The following NAALADL2 variants were observed in gnomAD, a reference collection of about 807,000 sequenced individuals.
NAALADL2 encodes N-acetylated alpha-linked acidic dipeptidase like 2, also known as inactive N-acetylated-alpha-linked acidic dipeptidase-like protein 2.
In NAALADL2, 76 loss-of-function variants were observed where a neutral mutation model predicts 87.2. The ratio of observed to expected loss-of-function variants is 0.87; its 90% CI spans 0.72 to 1.05. NAALADL2 has a LOEUF of 1.05. NAALADL2 is among the 50% of genes least tolerant of loss of function. NAALADL2 has a pLI of 0.00. For synonymous variants in NAALADL2, 354 were observed against 331.0 expected (o/e 1.07, Z -0.75); for missense variants, 1,089 against 945.8 (o/e 1.15, Z -1.99).
intron 10 of NAALADL2, among the ~76,000 whole-genome samples, chr3:175,625,787 G>A (rs1726909052): frequency 6.6e-6 from 1 of 151,888 alleles, no homozygotes; most frequent in South Asian, 2.1e-4. Context: ...TGTAAAGAGG[G>A]AGTAATAATA....
chr3:175,190,013 G>C (rs1233144505), intron 2 of NAALADL2, among the ~76,000 whole-genome samples: 4 of 152,036 alleles, frequency 2.6e-5, no homozygotes, highest in African/African-American at 9.7e-5. Flanking sequence ...AATGGTGATG[G>C]AGAGATTGGA....
intron 9 of NAALADL2, among the ~76,000 whole-genome samples, chr3:175,495,447 A>G (rs1728676978): frequency 6.6e-6 from 1 of 152,004 alleles, no homozygotes; most frequent in Admixed American, 6.6e-5. Context: ...AGAGGTGTTA[A>G]CTCTTCATGT....
At chr3:175,355,666 G>A (rs1198089783) in intron 5 of NAALADL2, among the ~76,000 whole-genome samples, 1 of 152,060 alleles carries the variant, frequency 6.6e-6, no homozygotes, top group African/African-American at 2.4e-5. Context: ...CATCTGTAAG[G>A]TAATGATAAT....
intron 2 of NAALADL2, among the ~76,000 whole-genome samples, chr3:174,652,181 G>A (rs980148445): frequency 6.6e-6 from 1 of 152,166 alleles, no homozygotes; most frequent in Non-Finnish European, 1.5e-5. Context: ...AACACAATGG[G>A]AATTGTGGCC....
At chr3:175,745,518 T>C (rs1047651450) in intron 12 of NAALADL2, among the ~76,000 whole-genome samples, 1 of 152,190 alleles carries the variant, frequency 6.6e-6, no homozygotes. Flanking sequence ...AGATCATCTC[T>C]AGATTACTTA....
intron 2 of NAALADL2, among the ~76,000 whole-genome samples, 152 bp from the exon 3 acceptor site, chr3:175,233,779 T>C (rs1218708852): frequency 4.6e-5 from 7 of 152,186 alleles, no homozygotes; most frequent in African/African-American, 7.2e-5. Flanking sequence ...CACTTTGTTT[T>C]GTGTTTATGT....
At chr3:174,952,924 C>T (rs763426583) in intron 1 of NAALADL2, among the ~76,000 whole-genome samples, 159 of 151,796 alleles carry the variant, frequency 1.0e-3, no homozygotes, top group Non-Finnish European at 1.5e-3. Flanking sequence ...AGTAGTGTCC[C>T]AGTGAGGATG....
intron 13 of NAALADL2, among the ~76,000 whole-genome samples, chr3:175,771,636 C>G (rs1035397884): frequency 6.6e-6 from 1 of 152,116 alleles, no homozygotes; most frequent in Non-Finnish European, 1.5e-5. Context: ...ACATGGCCTT[C>G]TCGTCTTTGT....
At chr3:175,367,958 T>G in intron 5 of NAALADL2, among the ~76,000 whole-genome samples, 1 of 152,114 alleles carries the variant, frequency 6.6e-6, no homozygotes, top group South Asian at 2.1e-4. Context: ...ATGCTTCCAG[T>G]TTTTGCCCAT....
chr3:175,335,361 G>C (rs866628360), intron 5 of NAALADL2, among the ~76,000 whole-genome samples: 1 of 152,182 alleles, frequency 6.6e-6, no homozygotes, highest in Non-Finnish European at 1.5e-5. Context: ...AAAACAGTGT[G>C]ATGTTTGAAA....
intron 9 of NAALADL2, among the ~76,000 whole-genome samples, chr3:175,487,339 G>C (rs1348788122): frequency 6.6e-6 from 1 of 152,138 alleles, no homozygotes; most frequent in Non-Finnish European, 1.5e-5. Context: ...CTCCTTCTAG[G>C]ATGTAAAGCA....
chr3:175,441,753 T>G (rs1719806359), intron 5 of NAALADL2, among the ~76,000 whole-genome samples: 4 of 152,056 alleles, frequency 2.6e-5, no homozygotes, highest in Admixed American at 2.6e-4. Context: ...TCTGAAGTTG[T>G]GTTATTCTTC....
rs141614965 is a variant in NAALADL2 at position 174,895,468 on chromosome 3, G to T, written c.43+36018G>T. 3.1e-3 allele frequency among the ~76,000 whole-genome samples: 475 copies of T among 152,152 alleles called. 1 individual carries two copies. The highest frequency in any genetic ancestry group is 0.011 in the African/African-American group (449 of 41,506). ...TTACTAGATACATGCAACCTACCAA[G>T]ATTGAACTGGGAAGAAATCCCAAAC... On this transcript the variant is annotated intron_variant, in intron 1 of 13. Transcript: ENST00000454872.
chr3:175,073,986 A>G (rs1450281486), intron 1 of NAALADL2, among the ~76,000 whole-genome samples: 2 of 152,030 alleles, frequency 1.3e-5, no homozygotes, highest in African/African-American at 2.4e-5. Flanking sequence ...CACTGTATAC[A>G]TGAAACTTTC....
intron 1 of NAALADL2, among the ~76,000 whole-genome samples, chr3:174,549,611 T>A (rs1384626839): frequency 2.0e-5 from 3 of 152,234 alleles, no homozygotes; most frequent in South Asian, 4.1e-4. Context: ...AAACAGTTAC[T>A]TATTTTATGG....
chr3:175,067,363 T>C (rs1227206441), intron 1 of NAALADL2, among the ~76,000 whole-genome samples: 1 of 152,030 alleles, frequency 6.6e-6, no homozygotes, highest in Non-Finnish European at 1.5e-5. Context: ...AGGACTAATA[T>C]CTAGATTTCA....
intron 5 of NAALADL2, among the ~76,000 whole-genome samples, chr3:175,360,561 T>G (rs551437970): frequency 6.6e-6 from 1 of 152,020 alleles, no homozygotes; most frequent in Non-Finnish European, 1.5e-5. Flanking sequence ...ACAGGAGATA[T>G]AAGTGTTGAG....
chr3:175,276,827 G>T (rs979471597), intron 4 of NAALADL2, among the ~76,000 whole-genome samples: 1 of 151,494 alleles, frequency 6.6e-6, no homozygotes, highest in Non-Finnish European at 1.5e-5. Context: ...AATCTTAATA[G>T]TGCAATCAAA....
intron 1 of NAALADL2, among the ~76,000 whole-genome samples, chr3:174,486,997 C>A (rs193174680): frequency 2.0e-4 from 31 of 151,910 alleles, no homozygotes; most frequent in African/African-American, 7.5e-4. Context: ...TATCAGAGGC[C>A]TTTTTTGGTG....
Sources: allele counts gnomAD v4.1 joint callset (sites outside exome capture counted in the v4.1 genomes callset), GRCh38; gene constraint gnomAD v4.1.1; transcripts MANE v1.5; gene names NCBI Gene and HGNC (gene_info 2026-07-23, HGNC 2026-07-21).